The following PCDHGA10 variants were observed in gnomAD, a reference collection of about 807,000 sequenced individuals.
The protein encoded by PCDHGA10 is protocadherin gamma subfamily A, 10.
In PCDHGA10, 42 loss-of-function variants were observed where a neutral mutation model predicts 59.5. The observed-to-expected ratio is 0.71, with a 90% confidence interval of 0.55 to 0.91. PCDHGA10 has a LOEUF of 0.91. PCDHGA10 is among the 40% of genes least tolerant of loss of function. The pLI is 0.00. For missense variants in PCDHGA10, 1,111 were observed against 1,198.2 expected (o/e 0.93, Z 1.07); for synonymous variants, 511 against 517.2 (o/e 0.99, Z 0.16).
At chr5:141,460,132 T>TAAAA in intron 1 of PCDHGA10, among the ~76,000 whole-genome samples, 1 of 152,036 alleles carries the variant, frequency 6.6e-6, no homozygotes, top group South Asian at 2.1e-4. Context: ...GTAATATATA[T>TAAAA]ATTCTTGATG....
intron 1 of PCDHGA10, chr5:141,478,456 T>A (rs371773090): frequency 3.1e-6 from 5 of 1,613,366 alleles, no homozygotes; most frequent in African/African-American, 2.7e-5. Context: ...GTGCAGCCAG[T>A]CCACTGGCCA....
Position 141,431,829 on chromosome 5 carries a change from C to T in PCDHGA10, c.2436+16218C>T, listed in dbSNP as rs758915768. On this transcript the variant is annotated intron_variant, in intron 1 of 3. Transcript: ENST00000398610. The surrounding 1 kb of genome is among the most constrained non-coding windows in gnomAD (Gnocchi z 4.8). ...CTCACCTCTCTCGCCAGCTCGGTTC[C>T]CGAAAACTCTCCCAGAGGGACATTA... The T allele has an allele frequency of 1.9e-6, 3 of 1,613,928 alleles. No individual in the cohort carries two copies. The highest frequency in any genetic ancestry group is 2.2e-5 in the South Asian group (2 of 91,090).
In PCDHGA10 at chr5:141,511,217, C is replaced by A. The variant is rs766814445; in HGVS notation, c.*44C>A. On this transcript the variant is annotated 3_prime_UTR_variant, in exon 4 of 4. Transcript: ENST00000398610. ...AGCCACAGGGCGGCCTCTCCCCAAC[C>A]AGCCCAGCTTCTCCTTACCTGCACC... The A allele has an allele frequency of 2.5e-6, 4 of 1,607,588 alleles. No homozygotes were observed. Among genetic ancestry groups the A allele is most frequent in the Non-Finnish European group, 3.4e-6 (4 of 1,177,026 alleles).
At chr5:141,443,845 A>C (rs923351698) in intron 1 of PCDHGA10, among the ~76,000 whole-genome samples, 19 of 152,224 alleles carry the variant, frequency 1.2e-4, no homozygotes, top group Admixed American at 5.9e-4. Context: ...GGTAATATGG[A>C]AAGTCTGAAA....
At chr5:141,473,501 G>C (rs1053399138) in intron 1 of PCDHGA10, among the ~76,000 whole-genome samples, 7 of 152,188 alleles carry the variant, frequency 4.6e-5, no homozygotes, top group African/African-American at 1.7e-4. Context: ...GGTGTTCTGA[G>C]AGAGCATAAC....
chr5:141,458,612 C>T (rs1381385841), intron 1 of PCDHGA10, among the ~76,000 whole-genome samples: 1 of 152,084 alleles, frequency 6.6e-6, no homozygotes, highest in Non-Finnish European at 1.5e-5. Flanking sequence ...CTCTGTCAGC[C>T]AGGCTGGAGT....
chr5:141,418,153 G>A (rs1561771797), intron 1 of PCDHGA10: 2 of 1,614,086 alleles, frequency 1.2e-6, no homozygotes, highest in East Asian at 2.2e-5. Context: ...TATGCAAAGA[G>A]AGAAGAAGAT....
intron 1 of PCDHGA10, chr5:141,419,506 C>T (rs527369615): frequency 6.2e-7 from 1 of 1,612,352 alleles, no homozygotes; most frequent in Non-Finnish European, 8.5e-7. Context: ...TGAGCCTGCG[C>T]GTGTTGGTGG....
rs1452697214 is a variant in PCDHGA10, at chr5:141,476,552, G to A, written c.2437-18255G>A. ...CCAGGAAATGAAATTGGAGATTAGCGAGGCCGTGGCTCCGGGGACGCGCTT... is the reference window on the plus strand; with the variant it reads ...CCAGGAAATGAAATTGGAGATTAGCAAGGCCGTGGCTCCGGGGACGCGCTT... On this transcript the variant is annotated intron_variant, in intron 1 of 3. Transcript: ENST00000398610. The surrounding 1 kb of genome is among the most constrained non-coding windows in gnomAD (Gnocchi z 7.6). 1 of 1,614,210 alleles carries A rather than the reference G, an allele frequency of 6.2e-7. No homozygotes were observed. Among genetic ancestry groups the A allele is most frequent in the Non-Finnish European group, 8.5e-7 (1 of 1,180,032 alleles).
chr5:141,511,374 CA>C lies in PCDHGA10; in HGVS notation c.*202del. ...CCCCAGGGGGTTGAATATGCAAAAG[CA>C]GTTCCGCTGGGAACCCCCATCCAAT... On this transcript the variant is annotated 3_prime_UTR_variant, in exon 4 of 4. Coordinates refer to ENST00000398610, the MANE Select transcript of PCDHGA10 (RefSeq NM_018913.3). The C allele has an allele frequency of 8.0e-7, 1 of 1,242,392 alleles. No individual in the cohort carries two copies. 77.0% of individuals were successfully genotyped at this position (1,242,392 alleles called of 1,614,324 possible).
chr5:141,413,271 C>T lies in PCDHGA10; in HGVS notation c.96C>T (p.Ala32=). Residue 32 remains alanine (A), a synonymous_variant, in exon 1 of 4, where the codon GCC becomes GCT. Coordinates refer to ENST00000398610, the MANE Select transcript of PCDHGA10 (RefSeq NM_018913.3). ...LFFGIPWEAG[A]RQISYSIPEE... is the part of the protein sequence containing the mutation. Reference sequence around the variant, plus strand: ...TCGGGATTCCATGGGAGGCTGGAGCCCGGCAGATCTCCTACTCAATTCCTG... The same window carrying T: ...TCGGGATTCCATGGGAGGCTGGAGCTCGGCAGATCTCCTACTCAATTCCTG... The T allele has an allele frequency of 6.2e-7, 1 of 1,613,940 alleles. No homozygotes were observed. Among genetic ancestry groups the T allele is most frequent in the Non-Finnish European group, 8.5e-7 (1 of 1,179,906 alleles).
intron 2 of PCDHGA10, among the ~76,000 whole-genome samples, chr5:141,504,722 C>T (rs747319660): frequency 1.3e-5 from 2 of 151,828 alleles, no homozygotes; most frequent in Non-Finnish European, 2.9e-5. Context: ...GGATTTTACT[C>T]TGAGGGCTTA....
chr5:141,437,444 G>A (rs957088733), intron 1 of PCDHGA10, among the ~76,000 whole-genome samples: 26 of 152,212 alleles, frequency 1.7e-4, no homozygotes, highest in Admixed American at 2.0e-4. Context: ...GCATAGGAAT[G>A]TTGAGGAGAC....
In PCDHGA10 at chr5:141,491,633, C is replaced by T; in HGVS notation, c.2437-3174C>T. Reference sequence around the variant, plus strand: ...CTAAGACCCCTCAGCGTTCAGCAGCCCACAGCTCTGGCGCTGGAGCCTGAC... The same window carrying T: ...CTAAGACCCCTCAGCGTTCAGCAGCTCACAGCTCTGGCGCTGGAGCCTGAC... On this transcript the variant is annotated intron_variant, in intron 1 of 3. Transcript: ENST00000398610. This position sits in a 1 kb window ranked among gnomAD's most constrained non-coding sequence, Gnocchi z 6.9. 2 of 1,613,916 alleles carry T rather than the reference C, an allele frequency of 1.2e-6. No homozygotes were observed.
intron 1 of PCDHGA10, among the ~76,000 whole-genome samples, chr5:141,461,978 C>T (rs888687367): frequency 2.6e-5 from 4 of 152,216 alleles, no homozygotes; most frequent in African/African-American, 9.6e-5. Flanking sequence ...CATATGCCAC[C>T]ACGCCAGGCT....
At chr5:141,420,301 C>CT (rs768732518) in intron 1 of PCDHGA10, 1 of 1,462,190 alleles carries the variant, frequency 6.8e-7, no homozygotes, top group African/African-American at 1.4e-5. Flanking sequence ...GTATTTAATC[C>CT]TTTTTATATT....
At position 141,486,891 on chromosome 5, in the gene PCDHGA10, G is replaced by A. The variant is rs201201426; in HGVS notation, c.2437-7916G>A. 38 of 1,614,118 alleles carry A rather than the reference G, an allele frequency of 2.4e-5. No individual in the cohort carries two copies. The highest frequency in any genetic ancestry group is 3.1e-5 in the Non-Finnish European group (37 of 1,180,064). Reference sequence around the variant, plus strand: ...GTGCTCCGTCCTCGGGCCCGGCCTGGTTCCTTATGTCCCCAAGCACTGCCT... The same window carrying A: ...GTGCTCCGTCCTCGGGCCCGGCCTGATTCCTTATGTCCCCAAGCACTGCCT... On this transcript the variant is annotated intron_variant, in intron 1 of 3. Coordinates refer to ENST00000398610, the MANE Select transcript of PCDHGA10 (RefSeq NM_018913.3). This position sits in a 1 kb window ranked among gnomAD's most constrained non-coding sequence, Gnocchi z 5.0.
At position 141,415,477 on chromosome 5, in the gene PCDHGA10, C is replaced by A. The variant is rs2095874299; in HGVS notation, c.2302C>A (p.Arg768=). 3 of 1,614,184 alleles carry A rather than the reference C, an allele frequency of 1.9e-6. No individual in the cohort carries two copies. Among genetic ancestry groups the A allele is most frequent in the Non-Finnish European group, 2.5e-6 (3 of 1,180,036 alleles). Residue 768 remains arginine, a synonymous_variant, in exon 1 of 4, where the codon CGA becomes AGA. Transcript: ENST00000398610. The part of the protein sequence containing the change: ...SHEVSLTADS[R]KSHLIFPQPN... ...CGAGGTCTCTCTCACCGCGGACTCG[C>A]GAAAGAGTCACCTGATCTTCCCCCA...
At chr5:141,500,840 C>G (rs1394248251) in intron 2 of PCDHGA10, among the ~76,000 whole-genome samples, 1 of 151,966 alleles carries the variant, frequency 6.6e-6, no homozygotes, top group Non-Finnish European at 1.5e-5. Context: ...TGCTAATGGG[C>G]TTTTGCTACA....
Sources: allele counts gnomAD v4.1 joint callset (sites outside exome capture counted in the v4.1 genomes callset), GRCh38; gene constraint gnomAD v4.1.1; non-coding constraint Gnocchi (gnomAD v3.1); transcripts MANE v1.5; gene names NCBI Gene and HGNC (gene_info 2026-07-23, HGNC 2026-07-21).